CSNK1G1: variants seen among roughly 807,000 people sequenced by gnomAD.
The protein encoded by CSNK1G1 is casein kinase 1 gamma 1, also known as casein kinase I isoform gamma-1.
Under a neutral mutation model 59.6 loss-of-function variants are expected in CSNK1G1, and 22 were observed. That is an observed-to-expected ratio of 0.37 (90% CI 0.26 to 0.53). The LOEUF is 0.53. Among genes scored for constraint, CSNK1G1 ranks in the 20% least tolerant of loss-of-function variants. The pLI is 0.89. For missense variants in CSNK1G1, 384 were observed against 519.5 expected (o/e 0.74, Z 2.54); for synonymous variants, 179 against 177.1 (o/e 1.01, Z -0.08).
At chr15:64,306,568 A>C (rs1895694935) in intron 1 of CSNK1G1, among the ~76,000 whole-genome samples, 1 of 152,174 alleles carries the variant, frequency 6.6e-6, no homozygotes, top group Non-Finnish European at 1.5e-5. Context: ...TTTTGGAAGA[A>C]AGTTTGGCAG....
chr15:64,252,811 A>G (rs888829540), intron 3 of CSNK1G1, among the ~76,000 whole-genome samples: 4 of 152,214 alleles, frequency 2.6e-5, no homozygotes, highest in Admixed American at 6.5e-5. Context: ...CTCTATACCA[A>G]TTGAGCAACT....
Position 64,216,772 on chromosome 15 carries a change from A to T in CSNK1G1, c.293-59T>A. The stretch of plus-strand genomic sequence containing the variant: ...GGAGACACAAAAGCCAAAATATGAG[A>T]TAACAGTATTAGCACTGAATAAAAT... On this transcript the variant is annotated intron_variant, in intron 4 of 11. Coordinates refer to ENST00000303052, the MANE Select transcript of CSNK1G1 (RefSeq NM_022048.5). This position sits in a 1 kb window ranked among gnomAD's most constrained non-coding sequence, Gnocchi z 4.6. 1 of 1,454,584 alleles carries T rather than the reference A, an allele frequency of 6.9e-7. No individual in the cohort carries two copies. Among genetic ancestry groups the T allele is most frequent in the Non-Finnish European group, 9.6e-7 (1 of 1,043,144 alleles). The allele number at this position is 1,454,584 out of a possible 1,614,324, so 90.1% of individuals were successfully genotyped here.
chr15:64,320,547 C>T (rs941597995), intron 1 of CSNK1G1, among the ~76,000 whole-genome samples: 6 of 151,916 alleles, frequency 3.9e-5, no homozygotes, highest in Non-Finnish European at 8.8e-5. Flanking sequence ...GGCGTGGTGG[C>T]AAGTGCCTGT....
In CSNK1G1 at chr15:64,188,690, T is replaced by C. The variant is rs2081930005; in HGVS notation, c.1108-8236A>G. 6.6e-6 allele frequency among the ~76,000 whole-genome samples: 1 copy of C among 152,172 alleles called. No individual in the cohort carries two copies. The highest frequency in any genetic ancestry group is 1.5e-5 in the Non-Finnish European group (1 of 68,034). On this transcript the variant is annotated intron_variant, in intron 10 of 11. Coordinates refer to ENST00000303052, the MANE Select transcript of CSNK1G1 (RefSeq NM_022048.5). The surrounding 1 kb of genome is among the most constrained non-coding windows in gnomAD (Gnocchi z 4.2). ...CTTAATGAGTCAATACATGAATCTA[T>C]ATCACACCCTCCTTACCCAGAACCA...
intron 4 of CSNK1G1, among the ~76,000 whole-genome samples, chr15:64,218,940 C>T (rs896132766): frequency 2.0e-5 from 3 of 151,380 alleles, no homozygotes; most frequent in African/African-American, 7.3e-5. Context: ...CTGCAACCTC[C>T]GCCTCCCGAG....
intron 1 of CSNK1G1, among the ~76,000 whole-genome samples, chr15:64,324,091 T>C (rs967453692): frequency 2.6e-5 from 4 of 152,208 alleles, no homozygotes; most frequent in African/African-American, 9.6e-5. Flanking sequence ...GTAGAGGCTT[T>C]GACACTTTTG....
At chr15:64,279,263 TG>T in intron 2 of CSNK1G1, among the ~76,000 whole-genome samples, 1 of 152,352 alleles carries the variant, frequency 6.6e-6, no homozygotes, top group East Asian at 1.9e-4. Context: ...GTAGGTTTTC[TG>T]GTACCTCCTC....
chr15:64,213,746 T>C, intron 6 of CSNK1G1, 144 bp downstream of exon 6: 1 of 639,156 alleles, frequency 1.6e-6, no homozygotes, highest in Non-Finnish European at 2.8e-6. Flanking sequence ...TAACTTACCA[T>C]CTCAACTTCT....
chr15:64,294,565 G>C (rs1894911237), intron 2 of CSNK1G1, among the ~76,000 whole-genome samples: 1 of 151,890 alleles, frequency 6.6e-6, no homozygotes, highest in Non-Finnish European at 1.5e-5. Flanking sequence ...AAATTGTTTT[G>C]CTTTGATTAC....
intron 4 of CSNK1G1, among the ~76,000 whole-genome samples, chr15:64,249,046 C>T (rs955032545): frequency 6.6e-6 from 1 of 152,136 alleles, no homozygotes; most frequent in Non-Finnish European, 1.5e-5. Flanking sequence ...GGCGTGAACC[C>T]GGGAAGCGGA....
At chr15:64,262,085 A>G (rs1892724961) in intron 2 of CSNK1G1, among the ~76,000 whole-genome samples, 1 of 152,202 alleles carries the variant, frequency 6.6e-6, no homozygotes, top group African/African-American at 2.4e-5. Flanking sequence ...GAGCATTGTG[A>G]GGTAGTACAA....
intron 4 of CSNK1G1, among the ~76,000 whole-genome samples, chr15:64,229,340 G>C (rs1183372867): frequency 6.6e-6 from 1 of 152,126 alleles, no homozygotes; most frequent in Non-Finnish European, 1.5e-5. Flanking sequence ...TGGTTAAAGT[G>C]GGGGCAACCC....
chr15:64,316,552 A>G (rs868426431), intron 1 of CSNK1G1, among the ~76,000 whole-genome samples: 1,776 of 150,666 alleles, frequency 0.012, 25 homozygotes, highest in African/African-American at 0.042. Context: ...AAAAAAAAAA[A>G]AAAAGAAAAG....
chr15:64,188,422 A>G lies in CSNK1G1; in HGVS notation c.1108-7968T>C, dbSNP rs1299611354. On this transcript the variant is annotated intron_variant, in intron 10 of 11. Coordinates refer to ENST00000303052, the MANE Select transcript of CSNK1G1 (RefSeq NM_022048.5). This position sits in a 1 kb window ranked among gnomAD's most constrained non-coding sequence, Gnocchi z 4.2. ...TCTGCAGCCAAGTGAGACGTTAGGT[A>G]TGAGGTATTGGTCTGCCGGCTGGGC... is the stretch of plus-strand genomic sequence containing the variant. The G allele has an allele frequency of 1.0e-5, 16 of 1,536,014 alleles. No individual in the cohort carries two copies.
At chr15:64,190,446 C>T (rs2081955285) in intron 10 of CSNK1G1, among the ~76,000 whole-genome samples, 2 of 152,178 alleles carry the variant, frequency 1.3e-5, no homozygotes, top group South Asian at 2.1e-4. Flanking sequence ...TAGAGTTTCA[C>T]TCTTGTTGCC....
chr15:64,263,057 C>T (rs1378953728), intron 2 of CSNK1G1, among the ~76,000 whole-genome samples: 5 of 94,926 alleles, frequency 5.3e-5, no homozygotes, highest in African/African-American at 2.3e-4. Context: ...CCAGCCTGGG[C>T]AACAAGAGCA....
At chr15:64,331,964 C>G (rs1221990912) in intron 1 of CSNK1G1, among the ~76,000 whole-genome samples, 2 of 151,788 alleles carry the variant, frequency 1.3e-5, no homozygotes, top group African/African-American at 4.8e-5. Flanking sequence ...CAAATCAAAA[C>G]CACAATGAGA....
chr15:64,241,188 C>T (rs949077072), intron 4 of CSNK1G1, among the ~76,000 whole-genome samples: 2 of 152,018 alleles, frequency 1.3e-5, no homozygotes, highest in African/African-American at 2.4e-5. Context: ...AGATATTCTA[C>T]ACAAATGGAA....
chr15:64,222,272 G>A (rs2082397365), intron 4 of CSNK1G1, among the ~76,000 whole-genome samples: 1 of 149,754 alleles, frequency 6.7e-6, no homozygotes, highest in Non-Finnish European at 1.5e-5. Flanking sequence ...ACCAGGGCCT[G>A]TTGGTGGATG....
Sources: allele counts gnomAD v4.1 joint callset (sites outside exome capture counted in the v4.1 genomes callset), GRCh38; gene constraint gnomAD v4.1.1; non-coding constraint Gnocchi (gnomAD v3.1); transcripts MANE v1.5; gene names NCBI Gene and HGNC (gene_info 2026-07-23, HGNC 2026-07-21).